The following STK33 variants were observed in gnomAD, a reference collection of about 807,000 sequenced individuals.
STK33 encodes the protein serine/threonine-protein kinase 33.
Under a neutral mutation model 58.0 loss-of-function variants are expected in STK33, and 52 were observed. That is an observed-to-expected ratio of 0.90 (90% CI 0.72 to 1.13). The LOEUF (loss-of-function observed/expected upper bound fraction) is 1.13. Among genes scored for constraint, STK33 ranks in the 50% most tolerant of loss-of-function variants. The pLI, the probability that STK33 is intolerant of heterozygous loss-of-function variation, is 0.00. For synonymous variants in STK33, 215 were observed against 200.1 expected (o/e 1.07, Z -0.63); for missense variants, 630 against 604.2 (o/e 1.04, Z -0.45).
intron 11 of STK33, among the ~76,000 whole-genome samples, chr11:8,441,527 T>A (rs1296837982): frequency 6.6e-6 from 1 of 152,078 alleles, no homozygotes; most frequent in Non-Finnish European, 1.5e-5. Context: ...AATTGTTTTT[T>A]AAAAATTATT....
intron 1 of STK33, among the ~76,000 whole-genome samples, chr11:8,547,561 A>T (rs2140475322): frequency 6.6e-6 from 1 of 152,266 alleles, no homozygotes; most frequent in African/African-American, 2.4e-5. Flanking sequence ...GCTCATTTTT[A>T]AAATCAGATT....
the STK33 span, among the ~76,000 whole-genome samples, chr11:8,363,207 TGAA>T: frequency 6.6e-6 from 1 of 150,902 alleles, no homozygotes; most frequent in East Asian, 1.9e-4. Context: ...GGGAAGAGAG[TGAA>T]GAAGGGGAAA....
At chr11:8,354,472 C>CCACACACACACACACACACACA in the STK33 span, among the ~76,000 whole-genome samples, 46 of 56,056 alleles carry the variant, frequency 8.2e-4, no homozygotes, top group East Asian at 2.9e-3. Context: ...GTCTGCAAAA[C>CCACACACACACACACACACACA]CTCACACACA....
At position 8,436,125 on chromosome 11, in the gene STK33, G is replaced by A; in HGVS notation, c.962C>T (p.Pro321Leu). The part of the protein sequence containing the change: ...VVMYMLLRGE[P>L]PFLASSEEKL... The stretch of plus-strand genomic sequence containing the variant: ...CTCTTCTGAGCTTGCCAAAAAGGGT[G>A]GTTCTCCACGTAATCTGCAACAAAG... The change falls in exon 13 of 16, where the codon CCA (proline) becomes CTA (leucine). Residue 321 changes from proline (P) to leucine (L), a missense_variant. Coordinates refer to ENST00000687296, the MANE Select transcript of STK33 (RefSeq NM_001352389.2). 2 of 1,569,726 alleles carry A rather than the reference G, an allele frequency of 1.3e-6. No individual in the cohort carries two copies. Among genetic ancestry groups the A allele is most frequent in the Non-Finnish European group, 1.7e-6 (2 of 1,159,392 alleles).
the STK33 span, among the ~76,000 whole-genome samples, chr11:8,384,105 TAAAG>T: frequency 5.9e-5 from 9 of 152,238 alleles, no homozygotes; most frequent in Admixed American, 1.3e-4. Context: ...TCCAATATAA[TAAAG>T]AAAGTATTTA....
chr11:8,371,564 G>A, the STK33 span, among the ~76,000 whole-genome samples: 4 of 152,172 alleles, frequency 2.6e-5, no homozygotes, highest in Non-Finnish European at 5.9e-5. Flanking sequence ...GAGAAAGCAT[G>A]GGAGGAAGGG....
chr11:8,474,314 A>C (rs1276932152), intron 5 of STK33, among the ~76,000 whole-genome samples: 3 of 152,208 alleles, frequency 2.0e-5, no homozygotes, highest in Admixed American at 1.3e-4. Context: ...CAAAGCCATA[A>C]CTACCCTTTA....
chr11:8,513,020 T>C (rs1420565553), intron 1 of STK33, among the ~76,000 whole-genome samples: 3 of 152,222 alleles, frequency 2.0e-5, no homozygotes, highest in Non-Finnish European at 4.4e-5. Context: ...TTCCTATTTA[T>C]ATATTCCTTC....
chr11:8,422,975 C>G (rs4304764), intron 14 of STK33, among the ~76,000 whole-genome samples: 1 of 149,602 alleles, frequency 6.7e-6, no homozygotes, highest in East Asian at 2.0e-4. Context: ...ACTACTAAAA[C>G]TCAGCCGGGC....
At chr11:8,460,573 T>C (rs1465168033) in intron 8 of STK33, among the ~76,000 whole-genome samples, 1 of 151,998 alleles carries the variant, frequency 6.6e-6, no homozygotes, top group East Asian at 1.9e-4. Flanking sequence ...GCAATCTAAC[T>C]TGGAGACCAC....
At chr11:8,373,387 G>A in the STK33 span, among the ~76,000 whole-genome samples, 3 of 152,110 alleles carry the variant, frequency 2.0e-5, no homozygotes, top group South Asian at 4.1e-4. Flanking sequence ...CTGCCCAGAT[G>A]ATTTTGATAG....
intron 9 of STK33, among the ~76,000 whole-genome samples, chr11:8,455,996 G>T (rs1462262797): frequency 1.3e-5 from 2 of 151,960 alleles, no homozygotes; most frequent in Non-Finnish European, 2.9e-5. Context: ...ATACCACACA[G>T]CTTTAACAAA....
chr11:8,558,009 A>G (rs1318365239), intron 1 of STK33, among the ~76,000 whole-genome samples: 1 of 152,174 alleles, frequency 6.6e-6, no homozygotes, highest in Non-Finnish European at 1.5e-5. Context: ...GCCCTTCACA[A>G]AAATTTAACT....
At chr11:8,534,564 C>CTGTGTGTGTGTG (rs1308409632) in intron 1 of STK33, among the ~76,000 whole-genome samples, 14 of 118,400 alleles carry the variant, frequency 1.2e-4, no homozygotes, top group African/African-American at 4.9e-4. Flanking sequence ...CTCTCTCTCT[C>CTGTGTGTGTGTG]TCTCTGTGTG....
chr11:8,506,197 C>A (rs1951852727), intron 1 of STK33, among the ~76,000 whole-genome samples: 1 of 152,068 alleles, frequency 6.6e-6, no homozygotes, highest in Admixed American at 6.5e-5. Context: ...ATCTTTTTTC[C>A]ATATGATAAC....
chr11:8,496,611 G>A (rs1231544110), intron 1 of STK33, among the ~76,000 whole-genome samples: 1 of 147,500 alleles, frequency 6.8e-6, no homozygotes, highest in Non-Finnish European at 1.5e-5. Context: ...GTCTCACTCT[G>A]TCACCCAGGC....
At chr11:8,428,052 C>T (rs1441652238) in intron 14 of STK33, among the ~76,000 whole-genome samples, 2 of 152,100 alleles carry the variant, frequency 1.3e-5, no homozygotes, top group Non-Finnish European at 2.9e-5. Context: ...AAAAACCTGC[C>T]CCACTAAGCA....
rs1458673097 is a variant in STK33 at position 8,391,922 on chromosome 11, C to T, written c.*588G>A. 1 of 153,336 alleles carries T rather than the reference C, an allele frequency of 6.5e-6. No individual in the cohort carries two copies. The highest frequency in any genetic ancestry group is 1.5e-5 in the Non-Finnish European group (1 of 68,628). 9.5% of individuals were successfully genotyped at this position (153,336 alleles called of 1,614,324 possible). On this transcript the variant is annotated 3_prime_UTR_variant, in exon 16 of 16. Transcript: ENST00000687296. ...TTTAATCAATACATTGGGAATTTAG[C>T]AGCAAGTTAATGGCAAGCAGTTACA...
intron 14 of STK33, among the ~76,000 whole-genome samples, chr11:8,417,140 ACTGG>A (rs913478836): frequency 7.2e-5 from 11 of 152,170 alleles, no homozygotes; most frequent in African/African-American, 2.7e-4. Context: ...AACTCCTTTT[ACTGG>A]CTGCATCTAG....
Sources: gnomAD v4.1 joint callset for allele counts (sites outside exome capture counted in the v4.1 genomes callset) on GRCh38, gnomAD v4.1.1 for gene constraint, MANE v1.5 for transcripts, NCBI Gene and HGNC (gene_info 2026-07-23, HGNC 2026-07-21) for gene names.